HCRTR2: variants seen among roughly 807,000 people sequenced by gnomAD.
HCRTR2 encodes hypocretin receptor 2, also known as orexin receptor type 2.
HCRTR2 carries 22 observed loss-of-function variants against 49.0 expected under a neutral mutation model. The observed-to-expected ratio is 0.45, with a 90% CI of 0.32 to 0.64. The LOEUF is 0.64. Ranked by LOEUF, HCRTR2 falls within the 30% of genes least tolerant of loss-of-function variation. HCRTR2 has a pLI of 0.04. For synonymous variants in HCRTR2, 236 were observed against 205.3 expected (o/e 1.15, Z -1.28); for missense variants, 491 against 559.4 (o/e 0.88, Z 1.23).
chr6:55,159,883 G>A (rs572047805), intron 1 of HCRTR2, among the ~76,000 whole-genome samples: 1 of 152,284 alleles, frequency 6.6e-6, no homozygotes, highest in Admixed American at 6.5e-5. Context: ...GAAAGTGACG[G>A]GGAGAAAGGA....
intron 1 of HCRTR2, among the ~76,000 whole-genome samples, chr6:55,212,796 C>T (rs1432761753): frequency 1.3e-5 from 2 of 152,118 alleles, no homozygotes; most frequent in Non-Finnish European, 2.9e-5. Context: ...TGTAAACAAA[C>T]ATATCATAAG....
intron 1 of HCRTR2, among the ~76,000 whole-genome samples, chr6:55,176,212 G>A (rs976768108): frequency 6.6e-6 from 1 of 152,180 alleles, no homozygotes; most frequent in Non-Finnish European, 1.5e-5. Context: ...AGTGTTGGTA[G>A]AATGTTATTT....
Position 55,231,523 on chromosome 6 carries a change from G to A in HCRTR2, c.224-17116G>A, listed in dbSNP as rs555650904. ...TGGAAAGTACTTGCATTTTTTTTTA[G>A]GAAAGAAAGCCAAGATTTTATAAAG... On this transcript the variant is annotated intron_variant, in intron 1 of 6. Coordinates refer to ENST00000370862, the MANE Select transcript of HCRTR2 (RefSeq NM_001384272.1). Among the ~76,000 whole-genome samples, 5 of 151,246 alleles carry A rather than the reference G, an allele frequency of 3.3e-5. No individual in the cohort carries two copies. In the East Asian group the frequency reaches 9.7e-4, roughly 29 times the overall value.
intron 1 of HCRTR2, among the ~76,000 whole-genome samples, chr6:55,160,069 G>T (rs1172334844): frequency 2.0e-5 from 3 of 152,048 alleles, no homozygotes; most frequent in Non-Finnish European, 4.4e-5. Flanking sequence ...CAGGAAAAAA[G>T]TTAAGGGCAG....
At chr6:55,174,288 C>A (rs1461642318), upstream of HCRTR2, 5 of 443,190 alleles carry the variant, frequency 1.1e-5, no homozygotes, top group African/African-American at 1.0e-4. Flanking sequence ...TGAGCTTCAG[C>A]TGAGCCGGAC....
chr6:55,251,843 G>A (rs551375853), intron 2 of HCRTR2, among the ~76,000 whole-genome samples: 59 of 151,944 alleles, frequency 3.9e-4, no homozygotes, highest in Non-Finnish European at 4.6e-4. Flanking sequence ...AGTACCTGAA[G>A]GCAGAAGAAA....
chr6:55,259,117 A>T (rs1766707139), intron 3 of HCRTR2, among the ~76,000 whole-genome samples: 1 of 152,038 alleles, frequency 6.6e-6, no homozygotes, highest in Non-Finnish European at 1.5e-5. Flanking sequence ...CTATTCATTC[A>T]TCCAGTGTTT....
At chr6:55,176,247 C>G (rs909359121) in intron 1 of HCRTR2, among the ~76,000 whole-genome samples, 12 of 152,182 alleles carry the variant, frequency 7.9e-5, no homozygotes, top group Admixed American at 2.6e-4. Flanking sequence ...CCTCTGAGAA[C>G]TTTAGTACAT....
intron 1 of HCRTR2, among the ~76,000 whole-genome samples, chr6:55,225,749 T>C (rs1034863501): frequency 2.0e-4 from 31 of 152,234 alleles, no homozygotes; most frequent in South Asian, 4.1e-4. Context: ...ATTACTGTAA[T>C]CAAATTGTAA....
chr6:55,108,766 C>A (rs1187946454), intron 1 of HCRTR2, among the ~76,000 whole-genome samples: 1 of 151,966 alleles, frequency 6.6e-6, no homozygotes, highest in African/African-American at 2.4e-5. Flanking sequence ...AAACATCTGG[C>A]TTTTTGTAAT....
intron 4 of HCRTR2, among the ~76,000 whole-genome samples, chr6:55,265,630 T>C (rs1033841827): frequency 1.3e-5 from 2 of 152,162 alleles, no homozygotes; most frequent in Non-Finnish European, 2.9e-5. Context: ...GGACACATTC[T>C]TCTCTGACAG....
intron 5 of HCRTR2, 43 bp from the exon 6 acceptor site, chr6:55,280,280 T>G (rs200649013): frequency 9.9e-6 from 13 of 1,307,202 alleles, no homozygotes; most frequent in Middle Eastern, 3.7e-4. Context: ...CCTTTGAATT[T>G]AATTATTTAA....
At chr6:55,238,138 C>T (rs1766248805) in intron 1 of HCRTR2, among the ~76,000 whole-genome samples, 1 of 152,138 alleles carries the variant, frequency 6.6e-6, no homozygotes, top group Non-Finnish European at 1.5e-5. Context: ...TTGAATTTCT[C>T]ATCTTCTATC....
At chr6:55,156,503 G>A (rs1414791146) in intron 1 of HCRTR2, among the ~76,000 whole-genome samples, 6 of 151,542 alleles carry the variant, frequency 4.0e-5, no homozygotes, top group African/African-American at 1.5e-4. Context: ...TTCTTTATGA[G>A]GCCAGTATTA....
chr6:55,261,316 T>C (rs894175193), intron 3 of HCRTR2, among the ~76,000 whole-genome samples: 2 of 151,986 alleles, frequency 1.3e-5, no homozygotes, highest in African/African-American at 4.8e-5. Context: ...GGTATACAAA[T>C]AGCCAACAAG....
At chr6:55,110,328 G>A (rs911190736) in intron 1 of HCRTR2, among the ~76,000 whole-genome samples, 4 of 151,914 alleles carry the variant, frequency 2.6e-5, no homozygotes, top group South Asian at 2.1e-4. Flanking sequence ...CAAAAACAAG[G>A]TATTCAGGCA....
At chr6:55,264,543 G>GA (rs1184866024) in intron 4 of HCRTR2, among the ~76,000 whole-genome samples, 2 of 151,962 alleles carry the variant, frequency 1.3e-5, no homozygotes, top group Non-Finnish European at 2.9e-5. Flanking sequence ...GATGCAGGGC[G>GA]AAAATTACTT....
intron 1 of HCRTR2, among the ~76,000 whole-genome samples, chr6:55,135,633 G>A (rs981286221): frequency 6.6e-6 from 1 of 152,056 alleles, no homozygotes; most frequent in South Asian, 2.1e-4. Context: ...TATAGTACTT[G>A]CTATATCTTG....
chr6:55,175,725 A>T (rs547339750), intron 1 of HCRTR2, among the ~76,000 whole-genome samples: 16 of 152,148 alleles, frequency 1.1e-4, no homozygotes, highest in African/African-American at 3.9e-4. Flanking sequence ...AGGGGGTGAG[A>T]TGGCAACATG....
Sources: allele counts gnomAD v4.1 joint callset (sites outside exome capture counted in the v4.1 genomes callset), GRCh38; gene constraint gnomAD v4.1.1; transcripts MANE v1.5; gene names NCBI Gene and HGNC (gene_info 2026-07-23, HGNC 2026-07-21).